Variants in UBAC2 observed in about 807,000 individuals in gnomAD.
The protein encoded by UBAC2 is ubiquitin-associated domain-containing protein 2.
UBAC2 carries 26 observed loss-of-function variants against 44.0 expected under a neutral mutation model. The ratio of observed to expected loss-of-function variants is 0.59; its 90% CI spans 0.43 to 0.82. The LOEUF (loss-of-function observed/expected upper bound fraction) is 0.82, where lower values mean the gene tolerates loss of function less well. UBAC2 is among the 40% of genes least tolerant of loss of function. UBAC2 has a pLI of 0.00. For missense variants in UBAC2, 329 were observed against 419.4 expected (o/e 0.78, Z 1.88); for synonymous variants, 155 against 154.3 (o/e 1.00, Z -0.04).
chr13:99,283,166 A>C (rs1456584516), intron 4 of UBAC2, among the ~76,000 whole-genome samples: 1 of 152,222 alleles, frequency 6.6e-6, no homozygotes, highest in Non-Finnish European at 1.5e-5. Flanking sequence ...TATTTTGTTT[A>C]CTTACTTAAT....
intron 4 of UBAC2, among the ~76,000 whole-genome samples, chr13:99,290,886 T>C (rs2044081389): frequency 6.6e-6 from 1 of 152,050 alleles, no homozygotes; most frequent in Non-Finnish European, 1.5e-5. Context: ...GTAGAGTTTG[T>C]AGAGAAATTC....
At chr13:99,363,298 T>C (rs569500842) in intron 7 of UBAC2, among the ~76,000 whole-genome samples, 178 of 152,346 alleles carry the variant, frequency 1.2e-3, no homozygotes, top group African/African-American at 4.1e-3. Context: ...TTCTTCAAAA[T>C]AGTCATGCCT....
intron 6 of UBAC2, among the ~76,000 whole-genome samples, chr13:99,339,657 A>G (rs910627250): frequency 6.6e-6 from 1 of 151,824 alleles, no homozygotes; most frequent in Non-Finnish European, 1.5e-5. Context: ...TTTTTTACAA[A>G]GGAATAGCCA....
intron 7 of UBAC2, among the ~76,000 whole-genome samples, chr13:99,360,975 T>C (rs928992461): frequency 1.3e-5 from 2 of 152,206 alleles, no homozygotes; most frequent in African/African-American, 4.8e-5. Context: ...TGAGCTCTTC[T>C]GGCTTCTCTA....
At chr13:99,280,924 G>T (rs1419259493) in intron 4 of UBAC2, among the ~76,000 whole-genome samples, 1 of 151,756 alleles carries the variant, frequency 6.6e-6, no homozygotes, top group South Asian at 2.1e-4. Flanking sequence ...GGTGGCTCAC[G>T]CCTGTAATCC....
Position 99,295,474 on chromosome 13 carries a change from G to T in UBAC2, c.390-18623G>T. 2 of 1,613,954 alleles carry T rather than the reference G, an allele frequency of 1.2e-6. No homozygotes were observed. The highest frequency in any genetic ancestry group is 1.7e-6 in the Non-Finnish European group (2 of 1,180,018). ...TGAGTGGGTTTTGTTTGGCAGTTCT[G>T]AAGAGTTTGCAGCAGATCTGAGAAT... On this transcript the variant is annotated intron_variant, in intron 4 of 8. Coordinates refer to ENST00000403766, the MANE Select transcript of UBAC2 (RefSeq NM_001144072.2). The surrounding 1 kb of genome is among the most constrained non-coding windows in gnomAD (Gnocchi z 4.1).
At chr13:99,293,593 G>T (rs1193412932) in intron 4 of UBAC2, among the ~76,000 whole-genome samples, 1 of 152,158 alleles carries the variant, frequency 6.6e-6, no homozygotes, top group Non-Finnish European at 1.5e-5. Context: ...AGTAAGATTT[G>T]GGCTTTCATC....
chr13:99,201,299 T>TC, intron 1 of UBAC2: 1 of 1,466,464 alleles, frequency 6.8e-7, no homozygotes, highest in Admixed American at 2.5e-5. Flanking sequence ...GAAGGGGCCG[T>TC]CCCCCTTACC....
rs1273767472 is a variant in UBAC2, at chr13:99,295,305, T to C, written c.390-18792T>C. On this transcript the variant is annotated intron_variant, in intron 4 of 8. Transcript: ENST00000403766. This position sits in a 1 kb window ranked among gnomAD's most constrained non-coding sequence, Gnocchi z 4.1. ...GAAATCTGGAACGAATGTCTTTGGC[T>C]ACATTCCAGGAAATTAGAGAAACGA... 5.0e-6 allele frequency: 8 copies of C among 1,614,056 alleles called. No homozygotes were observed. Among genetic ancestry groups the C allele is most frequent in the Non-Finnish European group, 6.8e-6 (8 of 1,180,022 alleles).
intron 4 of UBAC2, among the ~76,000 whole-genome samples, chr13:99,309,685 C>T (rs1331073763): frequency 1.3e-5 from 2 of 152,114 alleles, no homozygotes; most frequent in Non-Finnish European, 2.9e-5. Context: ...ACTGCAACCT[C>T]TGCCTCCTGG....
chr13:99,269,787 A>G (rs1365468226), intron 4 of UBAC2, among the ~76,000 whole-genome samples: 1 of 152,224 alleles, frequency 6.6e-6, no homozygotes, highest in Non-Finnish European at 1.5e-5. Context: ...CATGCTCAGC[A>G]GTTCAGTAGG....
chr13:99,338,607 G>A (rs1300853957), intron 6 of UBAC2, among the ~76,000 whole-genome samples: 1 of 152,178 alleles, frequency 6.6e-6, no homozygotes, highest in Non-Finnish European at 1.5e-5. Flanking sequence ...CATGGACCTT[G>A]GAGTTTGTTT....
rs1314915115 is a variant in UBAC2 at position 99,215,762 on chromosome 13, G to A, written c.31+14823G>A. 13 of 1,190,504 alleles carry A rather than the reference G, an allele frequency of 1.1e-5. No homozygotes were observed. In the Admixed American group the frequency reaches 1.5e-4, roughly 14 times the overall value. 73.7% of individuals were successfully genotyped at this position (1,190,504 alleles called of 1,614,324 possible). On this transcript the variant is annotated intron_variant, in intron 1 of 8. Transcript: ENST00000403766. ...TCCCAGCCTTACCGTCAGCCATTTC[G>A]AGTTCTGCTGAAGCTCAAGCAAGGC...
chr13:99,326,892 T>C (rs2044647143), intron 6 of UBAC2, among the ~76,000 whole-genome samples: 1 of 152,216 alleles, frequency 6.6e-6, no homozygotes, highest in South Asian at 2.1e-4. Context: ...GACATGATTC[T>C]GGAGGGCAAT....
chr13:99,238,549 T>C lies in UBAC2; in HGVS notation c.154T>C (p.Phe52Leu). The change falls in exon 2 of 9, where the codon TTC (phenylalanine) becomes CTC (leucine). Residue 52 changes from phenylalanine to leucine, a missense_variant. By Grantham distance (22) the Phe-to-Leu change is conservative. Transcript: ENST00000403766. The stretch of plus-strand genomic sequence containing the variant: ...TGACCTTCACGCAGTCAAGAACGAC[T>C]TCCAGGTAAGCTCTGCCTCATTGGC... ...VYDLHAVKND[F>L]QIWRLICGRI... is the part of the protein sequence containing the mutation. 1 of 1,607,104 alleles carries C rather than the reference T, an allele frequency of 6.2e-7. No individual in the cohort carries two copies. The highest frequency in any genetic ancestry group is 2.2e-5 in the East Asian group (1 of 44,854).
At chr13:99,268,983 G>C (rs545357684) in intron 4 of UBAC2, among the ~76,000 whole-genome samples, 1 of 152,284 alleles carries the variant, frequency 6.6e-6, no homozygotes, top group Non-Finnish European at 1.5e-5. Flanking sequence ...GTTAAATAAG[G>C]GGGGAATGGC....
intron 4 of UBAC2, among the ~76,000 whole-genome samples, chr13:99,262,134 C>T (rs2138645130): frequency 6.6e-6 from 1 of 152,310 alleles, no homozygotes; most frequent in East Asian, 1.9e-4. Flanking sequence ...TCATAGCCAC[C>T]TTGGTGATCA....
chr13:99,346,343 A>G (rs2044980360), intron 7 of UBAC2, among the ~76,000 whole-genome samples: 1 of 152,130 alleles, frequency 6.6e-6, no homozygotes, highest in South Asian at 2.1e-4. Context: ...AGCCTCCACC[A>G]GTGATCTCTG....
At chr13:99,223,542 GTTTTTTTTTTT>G (rs145143990) in intron 1 of UBAC2, among the ~76,000 whole-genome samples, 2 of 62,446 alleles carry the variant, frequency 3.2e-5, no homozygotes, top group Non-Finnish European at 5.5e-5. Context: ...CTCTTTTTCT[GTTTTTTTTTTT>G]TTTTTTTTTT....
Sources: gnomAD v4.1 joint callset for allele counts (sites outside exome capture counted in the v4.1 genomes callset) on GRCh38, gnomAD v4.1.1 for gene constraint, Gnocchi (gnomAD v3.1) non-coding constraint, MANE v1.5 for transcripts, NCBI Gene and HGNC (gene_info 2026-07-23, HGNC 2026-07-21) for gene names.